The following EXOC4 variants were observed in gnomAD, a reference collection of about 807,000 sequenced individuals.
The protein encoded by EXOC4 is SEC8-like 1.
In EXOC4, 71 loss-of-function variants were observed where a neutral mutation model predicts 107.2. That is an observed-to-expected ratio of 0.66 (90% CI 0.55 to 0.81). The LOEUF (loss-of-function observed/expected upper bound fraction) is 0.81, where lower values mean the gene tolerates loss of function less well. Among genes scored for constraint, EXOC4 ranks in the 30% least tolerant of loss-of-function variants. The pLI, the probability that EXOC4 is intolerant of heterozygous loss-of-function variation, is 0.00. For missense variants in EXOC4, 1,108 were observed against 1,189.6 expected, an observed-to-expected ratio of 0.93 and a Z score of 1.01; for synonymous variants, 456 against 441.2, an observed-to-expected ratio of 1.03 and a Z score of -0.42.
At chr7:133,898,704 C>G (rs888729266) in intron 12 of EXOC4, among the ~76,000 whole-genome samples, 2 of 146,598 alleles carry the variant, frequency 1.4e-5, no homozygotes, top group African/African-American at 5.1e-5. Flanking sequence ...AGAGATCGCG[C>G]CACTGCACTC....
intron 14 of EXOC4, among the ~76,000 whole-genome samples, chr7:133,966,584 A>T (rs1355323592): frequency 6.6e-6 from 1 of 152,148 alleles, no homozygotes; most frequent in Non-Finnish European, 1.5e-5. Flanking sequence ...TGAGATAATC[A>T]TGTGGTTTTG....
At chr7:133,712,381 G>A (rs1401120645) in intron 10 of EXOC4, among the ~76,000 whole-genome samples, 1 of 141,166 alleles carries the variant, frequency 7.1e-6, no homozygotes, top group Non-Finnish European at 1.5e-5. Context: ...AGAGGTTGCG[G>A]TGAGCTGAGA....
chr7:133,419,379 C>T (rs1797551251), intron 7 of EXOC4, among the ~76,000 whole-genome samples: 1 of 152,070 alleles, frequency 6.6e-6, no homozygotes, highest in African/African-American at 2.4e-5. Flanking sequence ...TGAAATGCTC[C>T]AATTCTTCAA....
chr7:133,879,976 A>G (rs926948636), intron 11 of EXOC4, among the ~76,000 whole-genome samples: 3 of 152,086 alleles, frequency 2.0e-5, no homozygotes, highest in Non-Finnish European at 4.4e-5. Context: ...CTTGACAGAA[A>G]TTCCCTTCTC....
intron 9 of EXOC4, among the ~76,000 whole-genome samples, chr7:133,514,032 A>C (rs545922926): frequency 6.6e-6 from 1 of 152,152 alleles, no homozygotes; most frequent in African/African-American, 2.4e-5. Context: ...CTTAGCATTT[A>C]TTGTTTGTTA....
chr7:133,940,897 A>G (rs778707466), intron 14 of EXOC4, among the ~76,000 whole-genome samples: 5 of 152,062 alleles, frequency 3.3e-5, no homozygotes, highest in Non-Finnish European at 5.9e-5. Context: ...GAAGATCTTC[A>G]GTTTATTTCT....
rs565463412 is a variant in EXOC4 at position 133,361,679 on chromosome 7, A to G, written c.1007+5106A>G. Among the ~76,000 whole-genome samples, 17 of 152,222 alleles carry G rather than the reference A, an allele frequency of 1.1e-4. 1 individual carries two copies. The highest frequency in any genetic ancestry group is 1.1e-3 in the Admixed American group (17 of 15,274). On this transcript the variant is annotated intron_variant, in intron 6 of 17. Transcript: ENST00000253861. Reference sequence around the variant, plus strand: ...ATTATCAAATACTTTTATCCTTGCCAATCTGAGAGGTAAAAAATGGTATTT... The same window carrying G: ...ATTATCAAATACTTTTATCCTTGCCGATCTGAGAGGTAAAAAATGGTATTT...
chr7:133,469,610 G>GA (rs1242170850), intron 7 of EXOC4, among the ~76,000 whole-genome samples: 1 of 152,088 alleles, frequency 6.6e-6, no homozygotes, highest in Non-Finnish European at 1.5e-5. Context: ...GTATCTTAGT[G>GA]AAGGAACAAA....
intron 6 of EXOC4, among the ~76,000 whole-genome samples, chr7:133,369,912 C>T (rs1444036696): frequency 1.4e-5 from 2 of 143,470 alleles, no homozygotes; most frequent in African/African-American, 5.2e-5. Flanking sequence ...TCAAGCGATT[C>T]TTCTGCCTCA....
At chr7:133,273,248 T>C (rs1484515868) in intron 1 of EXOC4, among the ~76,000 whole-genome samples, 2 of 152,248 alleles carry the variant, frequency 1.3e-5, no homozygotes, top group Non-Finnish European at 2.9e-5. Flanking sequence ...TGTACCCAAA[T>C]ATTGCAAGTA....
intron 9 of EXOC4, among the ~76,000 whole-genome samples, chr7:133,585,835 A>G (rs1801390748): frequency 6.6e-6 from 1 of 152,056 alleles, no homozygotes; most frequent in Non-Finnish European, 1.5e-5. Context: ...CTGGGACTAC[A>G]GGCATGCACC....
At chr7:133,555,062 T>C (rs1195854999) in intron 9 of EXOC4, among the ~76,000 whole-genome samples, 2 of 152,174 alleles carry the variant, frequency 1.3e-5, no homozygotes, top group Non-Finnish European at 2.9e-5. Flanking sequence ...GAGAATGGCC[T>C]GGGCAAGTTA....
chr7:133,928,615 G>C lies in EXOC4; in HGVS notation c.2028-9276G>C, dbSNP rs144413616. ...AGAAACCCTCCTCCCGCTCCACGCT[G>C]CACCCTCCTCCCCTCACTCACAGTC... On this transcript the variant is annotated intron_variant, in intron 13 of 17. Coordinates refer to ENST00000253861, the MANE Select transcript of EXOC4 (RefSeq NM_021807.4). Among the ~76,000 whole-genome samples, 366 of 152,162 alleles carry C rather than the reference G, an allele frequency of 2.4e-3. 5 individuals are homozygous for C. The highest frequency in any genetic ancestry group is 8.2e-3 in the African/African-American group (342 of 41,506).
intron 14 of EXOC4, among the ~76,000 whole-genome samples, chr7:133,965,734 A>G (rs1335523351): frequency 1.3e-5 from 2 of 152,106 alleles, no homozygotes; most frequent in African/African-American, 4.8e-5. Flanking sequence ...GTAGCCTTGT[A>G]GTATAGTTTG....
intron 10 of EXOC4, among the ~76,000 whole-genome samples, chr7:133,769,281 T>G (rs1306670050): frequency 6.7e-6 from 1 of 148,510 alleles, no homozygotes; most frequent in Non-Finnish European, 1.5e-5. Context: ...ACATAGATTG[T>G]TTTTTTTTTA....
At position 133,626,530 on chromosome 7, in the gene EXOC4, C is replaced by T. The variant is rs1014896235; in HGVS notation, c.1418-3515C>T. ...GAAACTGGAAGAGTATATGAGGTTCCTGTAGGTGGAATTCTGTTTAGGTGT... is the reference window on the plus strand; with the variant it reads ...GAAACTGGAAGAGTATATGAGGTTCTTGTAGGTGGAATTCTGTTTAGGTGT... On this transcript the variant is annotated intron_variant, in intron 9 of 17. Transcript: ENST00000253861. Among the ~76,000 whole-genome samples the T allele has an allele frequency of 8.5e-5, 13 of 152,082 alleles. 1 individual carries two copies. The highest frequency in any genetic ancestry group is 6.5e-4 in the Admixed American group (10 of 15,268).
intron 10 of EXOC4, among the ~76,000 whole-genome samples, chr7:133,808,988 AT>A (rs1797149974): frequency 6.6e-6 from 1 of 151,796 alleles, no homozygotes; most frequent in Non-Finnish European, 1.5e-5. Flanking sequence ...TCCAAAGATT[AT>A]TTCAGTTTGC....
chr7:133,314,443 T>C (rs555647745), intron 4 of EXOC4, among the ~76,000 whole-genome samples: 8 of 152,332 alleles, frequency 5.3e-5, no homozygotes, highest in African/African-American at 1.9e-4. Flanking sequence ...GAAAATAGTT[T>C]TGCAGTAAAT....
chr7:133,457,186 G>C (rs998907342), intron 7 of EXOC4, among the ~76,000 whole-genome samples: 1 of 152,174 alleles, frequency 6.6e-6, no homozygotes, highest in African/African-American at 2.4e-5. Context: ...AATGAATAAA[G>C]GCACAGATGT....
Sources: allele counts gnomAD v4.1 joint callset (sites outside exome capture counted in the v4.1 genomes callset), GRCh38; gene constraint gnomAD v4.1.1; transcripts MANE v1.5; gene names NCBI Gene and HGNC (gene_info 2026-07-23, HGNC 2026-07-21).